Variants in PLAA observed in about 807,000 individuals in gnomAD.
PLAA encodes phospholipase A2 activating protein, also known as phospholipase A-2-activating protein.
A neutral mutation model predicts 84.1 loss-of-function variants in PLAA; 48 were observed. The observed-to-expected ratio is 0.57, with a 90% CI of 0.45 to 0.73. The LOEUF (loss-of-function observed/expected upper bound fraction) is 0.73, where lower values mean the gene tolerates loss of function less well. Ranked by LOEUF, PLAA falls within the 30% of genes least tolerant of loss-of-function variation. The probability of loss-of-function intolerance (pLI) is 0.00; values close to 1 mark genes in which losing one functional copy is unlikely to be tolerated. For missense variants in PLAA, 903 were observed against 954.7 expected (o/e 0.95, Z 0.71); for synonymous variants, 392 against 336.6 (o/e 1.16, Z -1.80).
chr9:26,915,746 C>T (rs1177985590), intron 10 of PLAA: 72 of 985,000 alleles, frequency 7.3e-5, no homozygotes, highest in Non-Finnish European at 8.4e-5. Flanking sequence ...TTCTGAGTTA[C>T]TGACATTATG....
At chr9:26,933,644 C>T (rs1825258278) in intron 2 of PLAA, among the ~76,000 whole-genome samples, 2 of 151,444 alleles carry the variant, frequency 1.3e-5, no homozygotes, top group East Asian at 2.0e-4. Flanking sequence ...AAAAAATTAG[C>T]CGGGCGTGGT....
chr9:26,915,212 C>CAA (rs144965647), intron 10 of PLAA, among the ~76,000 whole-genome samples: 8,122 of 144,196 alleles, frequency 0.056, 245 homozygotes, highest in South Asian at 0.1. Flanking sequence ...AACTCTGACT[C>CAA]GAAAAAAAAA....
Position 26,947,134 on chromosome 9 carries a change from G to A in PLAA, c.-89C>T, listed in dbSNP as rs547622002. The A allele has an allele frequency of 3.0e-4, 411 of 1,380,576 alleles. 1 individual carries two copies. In the African/African-American group the frequency reaches 5.5e-3, roughly 19 times the overall value. The allele number at this position is 1,380,576 out of a possible 1,614,324, so 85.5% of individuals were successfully genotyped here. A position where few individuals can be genotyped will look rare whatever the true frequency, so the allele number is the denominator to read the frequency against. Reference sequence around the variant, plus strand: ...CGGAGAGCGCCGGGCCGCGGCGGGAGAAGAGCCTGCAGGTAAGGGGCGGCC... The same window carrying A: ...CGGAGAGCGCCGGGCCGCGGCGGGAAAAGAGCCTGCAGGTAAGGGGCGGCC... On this transcript the variant is annotated 5_prime_UTR_variant, in exon 1 of 14. Transcript: ENST00000397292.
At chr9:26,940,193 GAT>G (rs1825488691) in intron 1 of PLAA, among the ~76,000 whole-genome samples, 1 of 152,226 alleles carries the variant, frequency 6.6e-6, no homozygotes, top group Admixed American at 6.5e-5. Flanking sequence ...ATCTTAAAGA[GAT>G]ATGTGTATAA....
chr9:26,917,080 T>C lies in PLAA; in HGVS notation c.1486+17A>G, dbSNP rs1245599061. 1 of 1,607,104 alleles carries C rather than the reference T, an allele frequency of 6.2e-7. No individual in the cohort carries two copies. Among genetic ancestry groups the C allele is most frequent in the Non-Finnish European group, 8.5e-7 (1 of 1,174,184 alleles). ...CATTTAGTGAAGAAAGATACATGAA[T>C]CAAAACTACATCCCACCTGTAAAAG... On this transcript the variant is annotated intron_variant, in intron 10 of 13. Coordinates refer to ENST00000397292, the MANE Select transcript of PLAA (RefSeq NM_001031689.3).
intron 11 of PLAA, 30 bp downstream of exon 11, chr9:26,913,849 A>C: frequency 6.7e-7 from 1 of 1,493,382 alleles, no homozygotes; most frequent in Non-Finnish European, 9.1e-7. Flanking sequence ...TAAAATCTAA[A>C]AAAAAGAAAA....
chr9:26,947,189 G>T lies in PLAA; in HGVS notation c.-144C>A. ...ACCGGAAGAGCCCGAGAGCCGGTAC[G>T]GAAGGGCGGCTGGGAAGGGGCGCGC... is the stretch of plus-strand genomic sequence containing the variant. On this transcript the variant is annotated 5_prime_UTR_variant, in exon 1 of 14. Coordinates refer to ENST00000397292, the MANE Select transcript of PLAA (RefSeq NM_001031689.3). 1 of 995,150 alleles carries T rather than the reference G, an allele frequency of 1.0e-6. No homozygotes were observed. Among genetic ancestry groups the T allele is most frequent in the Non-Finnish European group, 1.4e-6 (1 of 719,098 alleles). 61.6% of individuals were successfully genotyped at this position (995,150 alleles called of 1,614,324 possible).
chr9:26,932,392 A>T (rs1284684978), intron 2 of PLAA, among the ~76,000 whole-genome samples: 1 of 152,270 alleles, frequency 6.6e-6, no homozygotes, highest in African/African-American at 2.4e-5. Context: ...AGAGAAAAAC[A>T]ATCAAAGGCA....
intron 7 of PLAA, among the ~76,000 whole-genome samples, chr9:26,922,158 T>C (rs1341047159): frequency 3.9e-5 from 6 of 152,234 alleles, no homozygotes; most frequent in African/African-American, 1.4e-4. Context: ...ACTTTATGTC[T>C]ACTTTAGGTT....
At chr9:26,919,692 G>A (rs1357966527) in intron 8 of PLAA, among the ~76,000 whole-genome samples, 163 bp from the exon 9 acceptor site, 3 of 152,182 alleles carry the variant, frequency 2.0e-5, no homozygotes, top group Admixed American at 6.5e-5. Flanking sequence ...AAGATTAACA[G>A]CCCCCATCTG....
At chr9:26,946,031 T>C (rs1333902539) in intron 1 of PLAA, among the ~76,000 whole-genome samples, 1 of 152,172 alleles carries the variant, frequency 6.6e-6, no homozygotes, top group Non-Finnish European at 1.5e-5. Context: ...TCTTTATTCC[T>C]CTCCAGTATC....
chr9:26,940,331 A>T (rs1008146259), intron 1 of PLAA, among the ~76,000 whole-genome samples: 1 of 152,252 alleles, frequency 6.6e-6, no homozygotes, highest in Non-Finnish European at 1.5e-5. Context: ...AAGGAGGGAA[A>T]TTCTGACATA....
At chr9:26,906,423 CTTTT>C (rs35324777) in intron 13 of PLAA, among the ~76,000 whole-genome samples, 4 of 95,088 alleles carry the variant, frequency 4.2e-5, no homozygotes, top group Non-Finnish European at 6.1e-5. Flanking sequence ...AGGGAAAGTT[CTTTT>C]TTTTTTTTTT....
At chr9:26,937,870 G>GA (rs34475218) in intron 1 of PLAA, among the ~76,000 whole-genome samples, 11,388 of 143,812 alleles carry the variant, frequency 0.079, 1,234 homozygotes, top group East Asian at 0.57. Context: ...AAAAAAGACT[G>GA]AAAAAAAAAA....
At chr9:26,917,198 G>A (rs1201485972) in intron 9 of PLAA, 33 bp from the exon 10 acceptor site, 2 of 1,583,490 alleles carry the variant, frequency 1.3e-6, no homozygotes, top group Non-Finnish European at 1.7e-6. Context: ...AGGCAGAAGT[G>A]CACCAAAGTT....
At chr9:26,925,709 T>G (rs1010405256) in intron 6 of PLAA, 116 bp downstream of exon 6, 1 of 764,128 alleles carries the variant, frequency 1.3e-6, no homozygotes, top group Non-Finnish European at 2.2e-6. Context: ...GTAATTGAAG[T>G]GTCCATATAG....
At position 26,907,897 on chromosome 9, in the gene PLAA, A is replaced by G; in HGVS notation, c.1759T>C (p.Ser587Pro). ...EKILSLICNS[S>P]SEKPTVQQLQ... ...TGCTGGACTGTGGGTTTTTCTGAAG[A>G]ACTATTACATATTAGAGACAGTATC... Residue 587 changes from serine (S) to proline (P), a missense_variant, in exon 13 of 14, where the codon TCT becomes CCT. Transcript: ENST00000397292. 6.2e-7 allele frequency: 1 copy of G among 1,612,336 alleles called. No homozygotes were observed. Among genetic ancestry groups the G allele is most frequent in the Non-Finnish European group, 8.5e-7 (1 of 1,179,478 alleles).
At chr9:26,931,759 G>C (rs1200188152) in intron 2 of PLAA, among the ~76,000 whole-genome samples, 2 of 152,128 alleles carry the variant, frequency 1.3e-5, no homozygotes, top group Non-Finnish European at 2.9e-5. Flanking sequence ...GAAAGATGTA[G>C]GGCTGGGCAC....
rs770146150 is a variant in PLAA at position 26,919,519 on chromosome 9, T to A, written c.1208A>T (p.Tyr403Phe). Residue 403 changes from tyrosine (Y) to phenylalanine (F), a missense_variant, in exon 9 of 14, where the codon TAT becomes TTT. Coordinates refer to ENST00000397292, the MANE Select transcript of PLAA (RefSeq NM_001031689.3). ...TTCATTGACATCAATTGAGAAAACA[T>A]AATCAAATTCCTAAAGTAGGAATAT... ...KVLYEGKEFDYVFSIDVNEGG... is the reference protein window; with the variant it reads ...KVLYEGKEFDFVFSIDVNEGG... 1 of 1,583,096 alleles carries A rather than the reference T, an allele frequency of 6.3e-7. No individual in the cohort carries two copies. Among genetic ancestry groups the A allele is most frequent in the Admixed American group, 1.7e-5 (1 of 59,348 alleles).
Sources: allele counts gnomAD v4.1 joint callset (sites outside exome capture counted in the v4.1 genomes callset), GRCh38; gene constraint gnomAD v4.1.1; transcripts MANE v1.5; gene names NCBI Gene and HGNC (gene_info 2026-07-23, HGNC 2026-07-21).